The following HPCAL1 variants were observed in gnomAD, a reference collection of about 807,000 sequenced individuals.
HPCAL1 encodes hippocalcin-like protein 1.
In HPCAL1, 8 loss-of-function variants were observed where a neutral mutation model predicts 17.1. The observed-to-expected ratio is 0.47, with a 90% confidence interval of 0.27 to 0.84. The LOEUF (loss-of-function observed/expected upper bound fraction) is 0.84. Ranked by LOEUF, HPCAL1 falls within the 40% of genes least tolerant of loss-of-function variation. The probability of loss-of-function intolerance (pLI) is 0.13; values close to 1 mark genes in which losing one functional copy is unlikely to be tolerated. For missense variants in HPCAL1, 165 were observed against 271.1 expected (o/e 0.61, Z 2.75); for synonymous variants, 112 against 111.4 (o/e 1.01, Z -0.03).
chr2:10,388,980 G>C (rs969511130), intron 1 of HPCAL1, among the ~76,000 whole-genome samples: 1 of 152,076 alleles, frequency 6.6e-6, no homozygotes, highest in African/African-American at 2.4e-5. Context: ...TGTCTACCAG[G>C]CAAGTATATA....
At chr2:10,357,608 C>A (rs1453981377) in intron 1 of HPCAL1, among the ~76,000 whole-genome samples, 8 of 152,286 alleles carry the variant, frequency 5.3e-5, no homozygotes, top group Non-Finnish European at 1.2e-4. Flanking sequence ...TTATTAGATC[C>A]CTCCAAATGG....
At chr2:10,347,002 A>T (rs902864014) in intron 1 of HPCAL1, among the ~76,000 whole-genome samples, 3 of 95,148 alleles carry the variant, frequency 3.2e-5, no homozygotes, top group Non-Finnish European at 5.7e-5. Context: ...ATTTGTTTGC[A>T]GAGTGGTGCG....
chr2:10,378,275 C>T lies in HPCAL1; in HGVS notation c.-110-18560C>T, dbSNP rs138323278. Among the ~76,000 whole-genome samples the T allele has an allele frequency of 1.3e-4, 17 of 130,374 alleles. No homozygotes were observed. The East Asian group carries it at 2.3e-3, about 17-fold the overall frequency. 85.5% of individuals were successfully genotyped at this position (130,374 alleles called of 152,430 possible). On this transcript the variant is annotated intron_variant, in intron 1 of 4. Transcript: ENST00000307845. ...CTGCTTTGAAGGGAGGTGTGGGACTCGTTTGCACACACAGTTAATATTTCC... is the reference window on the plus strand; with the variant it reads ...CTGCTTTGAAGGGAGGTGTGGGACTTGTTTGCACACACAGTTAATATTTCC...
chr2:10,369,216 A>G (rs373255474), intron 1 of HPCAL1: 77 of 152,386 alleles, frequency 5.1e-4, no homozygotes, highest in African/African-American at 1.7e-3. Context: ...GAGTCCTGCC[A>G]TGTGAGTCAC....
At position 10,362,848 on chromosome 2, in the gene HPCAL1, TAGAG is replaced by T. The variant is rs1666605347; in HGVS notation, c.-110-33984_-110-33981del. Among the ~76,000 whole-genome samples the T allele has an allele frequency of 6.6e-6, 1 of 152,156 alleles. No individual in the cohort carries two copies. Among genetic ancestry groups the T allele is most frequent in the African/African-American group, 2.4e-5 (1 of 41,440 alleles). On this transcript the variant is annotated intron_variant, in intron 1 of 4. Coordinates refer to ENST00000307845, the MANE Select transcript of HPCAL1 (RefSeq NM_002149.4). The surrounding 1 kb of genome is among the most constrained non-coding windows in gnomAD (Gnocchi z 5.0). ...GCTTTAGCACAGCTGTGGCCTGTGT[TAGAG>T]AGGGTGAGTTTGGACCATTCCTGAG...
At position 10,383,655 on chromosome 2, in the gene HPCAL1, G is replaced by T. The variant is rs117859371; in HGVS notation, c.-110-13180G>T. 6.8e-4 allele frequency among the ~76,000 whole-genome samples: 103 copies of T among 150,376 alleles called. 1 individual carries two copies. In the East Asian group the frequency reaches 0.015, roughly 22 times the overall value. On this transcript the variant is annotated intron_variant, in intron 1 of 4. Transcript: ENST00000307845. ...TGGGATTACAAGTGTGAGCCACCCA[G>T]CCCTGAGTGAGACCCTTTCTCAAAA... is the stretch of plus-strand genomic sequence containing the variant.
intron 1 of HPCAL1, among the ~76,000 whole-genome samples, chr2:10,346,192 G>A (rs1572687944): frequency 1.3e-5 from 2 of 152,114 alleles, no homozygotes; most frequent in South Asian, 2.1e-4. Context: ...CTGCACTCAT[G>A]TCCTTCTTTG....
At chr2:10,366,501 GCTGA>G (rs1666866375) in intron 1 of HPCAL1, among the ~76,000 whole-genome samples, 1 of 152,148 alleles carries the variant, frequency 6.6e-6, no homozygotes, top group South Asian at 2.1e-4. Flanking sequence ...CTCCCAAAGT[GCTGA>G]GATTACAGGC....
intron 1 of HPCAL1, chr2:10,369,310 G>C (rs1288772938): frequency 6.6e-6 from 1 of 152,240 alleles, no homozygotes. Flanking sequence ...CCTTGTAAGG[G>C]GTTGTGATGG....
At chr2:10,398,179 C>T (rs1669181927) in intron 2 of HPCAL1, among the ~76,000 whole-genome samples, 1 of 152,222 alleles carries the variant, frequency 6.6e-6, no homozygotes, top group Non-Finnish European at 1.5e-5. Flanking sequence ...CCCGGGGGGA[C>T]ACCTGGGGGA....
chr2:10,371,754 A>G (rs1667220858), intron 1 of HPCAL1, among the ~76,000 whole-genome samples: 1 of 152,158 alleles, frequency 6.6e-6, no homozygotes, highest in Non-Finnish European at 1.5e-5. Flanking sequence ...CTGCCCGGAA[A>G]GGTCCCTGGG....
intron 1 of HPCAL1, among the ~76,000 whole-genome samples, chr2:10,385,575 G>A (rs1467346878): frequency 2.0e-5 from 3 of 152,168 alleles, no homozygotes; most frequent in Admixed American, 6.5e-5. Flanking sequence ...AGAATGAGAA[G>A]CTGTAGAGGA....
At chr2:10,409,416 C>G (rs954916748) in intron 2 of HPCAL1, among the ~76,000 whole-genome samples, 1 of 152,188 alleles carries the variant, frequency 6.6e-6, no homozygotes, top group Admixed American at 6.5e-5. Context: ...AGGGGCAAAA[C>G]GGGCCCCTCC....
intron 2 of HPCAL1, among the ~76,000 whole-genome samples, chr2:10,399,274 CCACCAT>C (rs1572816122): frequency 1.0e-4 from 10 of 99,392 alleles, no homozygotes; most frequent in East Asian, 2.8e-4. Flanking sequence ...ACCACCACCA[CCACCAT>C]CACCACCACC....
rs1668163592 is a variant in HPCAL1 at position 10,384,246 on chromosome 2, G to A, written c.-110-12589G>A. On this transcript the variant is annotated intron_variant, in intron 1 of 4. Transcript: ENST00000307845. This position sits in a 1 kb window ranked among gnomAD's most constrained non-coding sequence, Gnocchi z 4.4. Reference sequence around the variant, plus strand: ...ATTTCTTTCTTCAGTCACATCAGATGAGCTGCTTCCCCTCACTAGGAGTGG... The same window carrying A: ...ATTTCTTTCTTCAGTCACATCAGATAAGCTGCTTCCCCTCACTAGGAGTGG... 6.6e-6 allele frequency among the ~76,000 whole-genome samples: 1 copy of A among 152,178 alleles called. No homozygotes were observed. Among genetic ancestry groups the A allele is most frequent in the South Asian group, 2.1e-4 (1 of 4,832 alleles).
At chr2:10,386,895 C>G (rs1668350035) in intron 1 of HPCAL1, among the ~76,000 whole-genome samples, 1 of 152,232 alleles carries the variant, frequency 6.6e-6, no homozygotes, top group Non-Finnish European at 1.5e-5. Flanking sequence ...CTGCTTTCCT[C>G]CCTCTCTTAT....
intron 2 of HPCAL1, among the ~76,000 whole-genome samples, chr2:10,409,690 C>A (rs545931498): frequency 6.6e-6 from 1 of 151,606 alleles, no homozygotes; most frequent in African/African-American, 2.4e-5. Flanking sequence ...GAAGAACAAG[C>A]TCTCATCTCA....
rs568435585 is a variant in HPCAL1, at chr2:10,355,342, T to C, written c.-110-41493T>C. 3.8e-4 allele frequency among the ~76,000 whole-genome samples: 55 copies of C among 143,630 alleles called. No individual in the cohort carries two copies. The East Asian group carries it at 9.6e-3, about 25-fold the overall frequency. 94.2% of individuals were successfully genotyped at this position (143,630 alleles called of 152,430 possible). On this transcript the variant is annotated intron_variant, in intron 1 of 4. Coordinates refer to ENST00000307845, the MANE Select transcript of HPCAL1 (RefSeq NM_002149.4). ...GGCGGGCGCCTGTAGTCCCAGCTAC[T>C]TGGGAGGCTGAGGCAGGAGAATGGC...
chr2:10,341,681 A>G (rs1335004844), intron 1 of HPCAL1, among the ~76,000 whole-genome samples: 1 of 151,928 alleles, frequency 6.6e-6, no homozygotes, highest in Non-Finnish European at 1.5e-5. Flanking sequence ...CCTCCTGCCT[A>G]GGTTATGTTG....
Sources: gnomAD v4.1 joint callset for allele counts (sites outside exome capture counted in the v4.1 genomes callset) on GRCh38, gnomAD v4.1.1 for gene constraint, Gnocchi (gnomAD v3.1) non-coding constraint, MANE v1.5 for transcripts, NCBI Gene and HGNC (gene_info 2026-07-23, HGNC 2026-07-21) for gene names.